The following PML variants were observed in gnomAD, a reference collection of about 807,000 sequenced individuals.
The protein encoded by PML is protein PML.
PML carries 28 observed loss-of-function variants against 65.2 expected under a neutral mutation model. That is an observed-to-expected ratio of 0.43 (90% confidence interval 0.32 to 0.59). PML has a LOEUF of 0.59. PML is among the 20% of genes least tolerant of loss of function. The pLI is 0.08. For synonymous variants in PML, 500 were observed against 508.8 expected (o/e 0.98, Z 0.23); for missense variants, 1,021 against 1,203.4 (o/e 0.85, Z 2.24).
chr15:74,043,816 G>A lies in PML; in HGVS notation c.1862-405G>A. 3.7e-6 allele frequency: 2 copies of A among 533,910 alleles called. No homozygotes were observed. Among genetic ancestry groups the A allele is most frequent in the South Asian group, 2.8e-5 (2 of 70,288 alleles). The allele number at this position is 533,910 out of a possible 1,614,324, so 33.1% of individuals were successfully genotyped here. A position where few individuals can be genotyped will look rare whatever the true frequency, so the allele number is the denominator to read the frequency against. On this transcript the variant is annotated intron_variant, in intron 8 of 8. Transcript: ENST00000268058. The surrounding 1 kb of genome is among the most constrained non-coding windows in gnomAD (Gnocchi z 4.3). ...AGTGCTTTCTATGTCCCAGGGCTCT[G>A]ACTGGGCTGGGGTCCTTGAGGGGAT...
In PML at chr15:74,034,483, C is replaced by T. The variant is rs1237579574; in HGVS notation, c.1663C>T (p.Arg555Cys). 27 of 1,614,162 alleles carry T rather than the reference C, an allele frequency of 1.7e-5. No homozygotes were observed. Among genetic ancestry groups the T allele is most frequent in the Non-Finnish European group, 2.2e-5 (26 of 1,180,012 alleles). Residue 555 changes from arginine to cysteine, a missense_variant, in exon 7 of 9, where the codon CGC becomes TGC. Physicochemically the swap from Arg to Cys is radical, Grantham distance 180. Coordinates refer to ENST00000268058, the MANE Select transcript of PML (RefSeq NM_033238.3). The stretch of plus-strand genomic sequence containing the variant: ...TCTCCCCTTCCCCGTTTCAGAGGAA[C>T]GCGTTGTGGTGATCAGCAGCTCGGA... The part of the protein sequence containing the change: ...VASGAGEAEE[R>C]VVVISSSEDS...
rs748500888 is a variant in PML, at chr15:74,043,167, C to G, written c.1861+28C>G. On this transcript the variant is annotated intron_variant, in intron 8 of 8. Transcript: ENST00000268058. The surrounding 1 kb of genome is among the most constrained non-coding windows in gnomAD (Gnocchi z 4.3). ...GGGTTCTCCTGGGGCTACCCCCACC[C>G]CTTTCTAATTTAGTCTCTGAGTCCC... The G allele has an allele frequency of 2.5e-6, 4 of 1,613,952 alleles. No homozygotes were observed. The South Asian group carries it at 4.4e-5, about 18-fold the overall frequency.
Position 74,037,939 on chromosome 15 carries a change from C to T in PML, c.1710+3409C>T, listed in dbSNP as rs990471717. Among the ~76,000 whole-genome samples, 5 of 152,294 alleles carry T rather than the reference C, an allele frequency of 3.3e-5. No individual in the cohort carries two copies. The East Asian group carries it at 5.8e-4, about 18-fold the overall frequency. On this transcript the variant is annotated intron_variant, in intron 7 of 8. Transcript: ENST00000268058. The surrounding 1 kb of genome is among the most constrained non-coding windows in gnomAD (Gnocchi z 4.2). ...ATGGCCAGTGACCTTCCAACAGCTC[C>T]GCATGGATGCCCATAGGTACCTCAA... is the stretch of plus-strand genomic sequence containing the variant.
chr15:74,006,698 G>A (rs750350162), intron 2 of PML, among the ~76,000 whole-genome samples: 2 of 152,176 alleles, frequency 1.3e-5, no homozygotes, highest in Non-Finnish European at 2.9e-5. Flanking sequence ...AAGAAAAGAG[G>A]TTTATTTGGC....
intron 2 of PML, among the ~76,000 whole-genome samples, chr15:74,020,293 T>G (rs1438650540): frequency 6.7e-6 from 1 of 148,734 alleles, no homozygotes; most frequent in Non-Finnish European, 1.5e-5. Context: ...ATTCCTTTTT[T>G]TTTTTTTTTT....
At chr15:74,000,344 C>T (rs537341957) in intron 2 of PML, among the ~76,000 whole-genome samples, 12 of 152,032 alleles carry the variant, frequency 7.9e-5, no homozygotes, top group South Asian at 6.2e-4. Context: ...CTTGCTCTGT[C>T]GCCCAGGCTG....
At position 74,035,732 on chromosome 15, in the gene PML, G is replaced by A. The variant is rs757456806; in HGVS notation, c.1710+1202G>A. On this transcript the variant is annotated intron_variant, in intron 7 of 8. Transcript: ENST00000268058. This position sits in a 1 kb window ranked among gnomAD's most constrained non-coding sequence, Gnocchi z 4.1. ...TTTTTGCCCTCCCCTTCTCCTCCAT[G>A]GCTTCCCAGCTTGACATGTCTTCCG... 1.2e-6 allele frequency: 2 copies of A among 1,614,148 alleles called. No individual in the cohort carries two copies. Among genetic ancestry groups the A allele is most frequent in the South Asian group, 1.1e-5 (1 of 91,090 alleles).
chr15:74,044,082 G>A, intron 8 of PML, 139 bp from the exon 9 acceptor site: 2 of 775,782 alleles, frequency 2.6e-6, no homozygotes, highest in Non-Finnish European at 4.4e-6. Context: ...TGCATTTGGG[G>A]GCTGATGTGT....
chr15:74,031,661 CCTT>C (rs1455458614), intron 4 of PML, among the ~76,000 whole-genome samples: 3 of 152,002 alleles, frequency 2.0e-5, no homozygotes, highest in Admixed American at 6.6e-5. Flanking sequence ...GTCTGTTTTC[CCTT>C]CTTTTGGGTG....
chr15:74,009,020 G>C (rs1397396528), intron 2 of PML, among the ~76,000 whole-genome samples: 2 of 152,204 alleles, frequency 1.3e-5, no homozygotes, highest in African/African-American at 2.4e-5. Flanking sequence ...TTAGGTCCAG[G>C]TGGGGGTGAG....
At chr15:74,008,688 A>G (rs1467177729) in intron 2 of PML, among the ~76,000 whole-genome samples, 2 of 151,924 alleles carry the variant, frequency 1.3e-5, no homozygotes, top group East Asian at 1.9e-4. Flanking sequence ...GCAGTGAGCC[A>G]AGATTGCGCC....
Position 74,044,323 on chromosome 15 carries a change from T to C in PML, c.1964T>C (p.Leu655Pro). 1 of 1,614,178 alleles carries C rather than the reference T, an allele frequency of 6.2e-7. No homozygotes were observed. Among genetic ancestry groups the C allele is most frequent in the Non-Finnish European group, 8.5e-7 (1 of 1,180,016 alleles). Residue 655 changes from leucine (L) to proline (P), a missense_variant, in exon 9 of 9, where the codon CTG becomes CCG. Coordinates refer to ENST00000268058, the MANE Select transcript of PML (RefSeq NM_033238.3). ...AGCATCTACTCCAAGGCCGTGTCCCTGGAGGTGGGGCTGCAGCACTTCCTC... is the reference window on the plus strand; with the variant it reads ...AGCATCTACTCCAAGGCCGTGTCCCCGGAGGTGGGGCTGCAGCACTTCCTC... ...FFSIYSKAVS[L>P]EVGLQHFLSF...
chr15:74,033,264 C>G lies in PML; in HGVS notation c.1507C>G (p.Arg503Gly). 6.2e-7 allele frequency: 1 copy of G among 1,614,212 alleles called. No individual in the cohort carries two copies. The highest frequency in any genetic ancestry group is 8.5e-7 in the Non-Finnish European group (1 of 1,180,032). ...SEEGKEARLA[R>G]SSPEQPRPST... The stretch of plus-strand genomic sequence containing the variant: ...GGAGGGGAAGGAGGCAAGGTTGGCT[C>G]GGAGCTCCCCGGAGCAGCCCAGGCC... Residue 503 changes from arginine to glycine, a missense_variant, in exon 6 of 9, where the codon CGG (arginine) becomes GGG (glycine). Transcript: ENST00000268058.
At position 74,035,933 on chromosome 15, in the gene PML, C is replaced by A. The variant is rs767643856; in HGVS notation, c.1710+1403C>A. Reference sequence around the variant, plus strand: ...CCCCCATCAGCCCAGTCCCAGGCGCCCGTCAAGCAGGCCTCTGAGAGTGCT... The same window carrying A: ...CCCCCATCAGCCCAGTCCCAGGCGCACGTCAAGCAGGCCTCTGAGAGTGCT... On this transcript the variant is annotated intron_variant, in intron 7 of 8. Transcript: ENST00000268058. This position sits in a 1 kb window ranked among gnomAD's most constrained non-coding sequence, Gnocchi z 4.1. 9.3e-6 allele frequency: 15 copies of A among 1,613,882 alleles called. No homozygotes were observed. Among genetic ancestry groups the A allele is most frequent in the Non-Finnish European group, 1.2e-5 (14 of 1,180,040 alleles).
chr15:74,042,684 ACACAGATTTAG>A lies in PML; in HGVS notation c.1711-301_1711-291del. On this transcript the variant is annotated intron_variant, in intron 7 of 8. Coordinates refer to ENST00000268058, the MANE Select transcript of PML (RefSeq NM_033238.3). The surrounding 1 kb of genome is among the most constrained non-coding windows in gnomAD (Gnocchi z 5.3). ...AGCTCACACTTAACTGTGCATGCAC[ACACAGATTTAG>A]CACTTGGATTCATTCCCACACATGC... 1 of 985,368 alleles carries A rather than the reference ACACAGATTTAG, an allele frequency of 1.0e-6. No individual in the cohort carries two copies. Among genetic ancestry groups the A allele is most frequent in the Non-Finnish European group, 1.2e-6 (1 of 829,890 alleles). 61.0% of individuals were successfully genotyped at this position (985,368 alleles called of 1,614,324 possible).
Position 74,035,781 on chromosome 15 carries a change from G to A in PML, c.1710+1251G>A. 2 of 1,614,118 alleles carry A rather than the reference G, an allele frequency of 1.2e-6. No individual in the cohort carries two copies. Among genetic ancestry groups the A allele is most frequent in the Admixed American group, 1.7e-5 (1 of 60,030 alleles). On this transcript the variant is annotated intron_variant, in intron 7 of 8. Transcript: ENST00000268058. The surrounding 1 kb of genome is among the most constrained non-coding windows in gnomAD (Gnocchi z 4.1). ...CGTGGTGGGGGCAGGGGAAAGCAGAGCCCAGACTCTTGGAGCAGGTGTTCC... is the reference window on the plus strand; with the variant it reads ...CGTGGTGGGGGCAGGGGAAAGCAGAACCCAGACTCTTGGAGCAGGTGTTCC...
intron 5 of PML, 53 bp downstream of exon 5, chr15:74,032,768 G>A: frequency 6.3e-7 from 1 of 1,594,250 alleles, no homozygotes; most frequent in Non-Finnish European, 8.6e-7. Flanking sequence ...AGTTCCACCA[G>A]GAAAGTGAGC....
In PML at chr15:74,043,887, G is replaced by C. The variant is rs1313545831; in HGVS notation, c.1862-334G>C. The C allele has an allele frequency of 1.9e-6, 1 of 519,720 alleles. No individual in the cohort carries two copies. The allele number at this position is 519,720 out of a possible 1,614,324, so 32.2% of individuals were successfully genotyped here. A position where few individuals can be genotyped will look rare whatever the true frequency, so the allele number is the denominator to read the frequency against. ...GGAGAGCTAAGTTCAAGCAGCCTGGGATCTCTAGTATAGGTGGCTGAGGCT... is the reference window on the plus strand; with the variant it reads ...GGAGAGCTAAGTTCAAGCAGCCTGGCATCTCTAGTATAGGTGGCTGAGGCT... On this transcript the variant is annotated intron_variant, in intron 8 of 8. Transcript: ENST00000268058. The surrounding 1 kb of genome is among the most constrained non-coding windows in gnomAD (Gnocchi z 4.3).
At chr15:74,014,093 G>A (rs1028061756) in intron 2 of PML, among the ~76,000 whole-genome samples, 6 of 152,196 alleles carry the variant, frequency 3.9e-5, no homozygotes, top group Non-Finnish European at 7.3e-5. Context: ...CTCAGCATAT[G>A]AGGATAACCA....
Sources: allele counts gnomAD v4.1 joint callset (sites outside exome capture counted in the v4.1 genomes callset), GRCh38; gene constraint gnomAD v4.1.1; non-coding constraint Gnocchi (gnomAD v3.1); transcripts MANE v1.5; gene names NCBI Gene and HGNC (gene_info 2026-07-23, HGNC 2026-07-21).